DRC9: variants seen among roughly 807,000 people sequenced by gnomAD.
The protein encoded by DRC9 is dynein regulatory complex protein 9.
the DRC9 span, chr3:197,950,215 T>C: frequency 1.6e-6 from 2 of 1,231,308 alleles, no homozygotes; most frequent in South Asian, 4.1e-5. Flanking sequence ...TCTTGGCTCC[T>C]GTGGAGGTGA....
the DRC9 span, chr3:197,956,945 T>G: frequency 3.9e-5 from 6 of 152,224 alleles, no homozygotes; most frequent in African/African-American, 1.4e-4. Flanking sequence ...ATCTTTAAAT[T>G]GCACTGAAAA....
chr3:197,926,037 T>C, the DRC9 span: 1 of 1,580,874 alleles, frequency 6.3e-7, no homozygotes, highest in Non-Finnish European at 8.7e-7. Flanking sequence ...GACTTCAAAT[T>C]GCCATTCCTT....
chr3:197,947,007 C>T, the DRC9 span, among the ~76,000 whole-genome samples: 2 of 152,098 alleles, frequency 1.3e-5, no homozygotes, highest in African/African-American at 4.8e-5. Flanking sequence ...GACGGGGTTT[C>T]ACCATGTTGG....
At chr3:197,937,077 G>A in the DRC9 span, among the ~76,000 whole-genome samples, 1 of 152,196 alleles carries the variant, frequency 6.6e-6, no homozygotes, top group Non-Finnish European at 1.5e-5. Flanking sequence ...CACAGGCAAC[G>A]TATAAACAAA....
At chr3:197,951,558 G>T in the DRC9 span, 2 of 469,198 alleles carry the variant, frequency 4.3e-6, no homozygotes, top group Admixed American at 6.7e-5. Context: ...TTGCCATGTT[G>T]GCCAGGCTGG....
the DRC9 span, among the ~76,000 whole-genome samples, chr3:197,934,183 C>CTTTTTCTTT: frequency 2.0e-5 from 2 of 99,510 alleles, no homozygotes; most frequent in African/African-American, 4.9e-5. Context: ...CATTCTGGGT[C>CTTTTTCTTT]TTTTTTTTTT....
At chr3:197,953,358 A>C in the DRC9 span, 2 of 442,686 alleles carry the variant, frequency 4.5e-6, no homozygotes, top group South Asian at 3.2e-5. Flanking sequence ...CCTGGGTGAC[A>C]AGACAACCCC....
chr3:197,935,438 C>CAAAAA, the DRC9 span, among the ~76,000 whole-genome samples: 4 of 123,318 alleles, frequency 3.2e-5, no homozygotes, highest in African/African-American at 1.7e-4. Flanking sequence ...GACTCTGTCT[C>CAAAAA]CAAAAAAAAA....
chr3:197,959,532 T>C, the DRC9 span: 1 of 152,262 alleles, frequency 6.6e-6, no homozygotes, highest in African/African-American at 2.4e-5. Context: ...AGCTTACCTA[T>C]TCAATTCCCG....
At chr3:197,951,477 C>G in the DRC9 span, 4 of 712,376 alleles carry the variant, frequency 5.6e-6, no homozygotes, top group East Asian at 2.7e-5. Context: ...CTCAGCCTCC[C>G]GAGTAGCTGG....
At chr3:197,912,670 C>T in the DRC9 span, 1 of 1,611,588 alleles carries the variant, frequency 6.2e-7, no homozygotes, top group South Asian at 1.1e-5. Context: ...GCTGTGGGGA[C>T]CCACCTGCTG....
chr3:197,938,654 C>T, the DRC9 span: 2 of 1,614,130 alleles, frequency 1.2e-6, no homozygotes, highest in Middle Eastern at 1.6e-4. Context: ...GCGAACCGGC[C>T]TCTGTGTCTG....
chr3:197,922,123 T>C, the DRC9 span, among the ~76,000 whole-genome samples: 1 of 152,246 alleles, frequency 6.6e-6, no homozygotes, highest in African/African-American at 2.4e-5. Flanking sequence ...GGTTTCTTTC[T>C]TTCTTTTTTT....
At chr3:197,951,040 T>G in the DRC9 span, 4 of 1,597,348 alleles carry the variant, frequency 2.5e-6, no homozygotes, top group Admixed American at 5.0e-5. Flanking sequence ...AATGCGAGCT[T>G]AAAATTGGCA....
the DRC9 span, among the ~76,000 whole-genome samples, chr3:197,908,418 T>A: frequency 2.2e-5 from 3 of 139,226 alleles, no homozygotes; most frequent in South Asian, 7.2e-4. Flanking sequence ...GATGAAGTTA[T>A]CACAGGGGTG....
chr3:197,912,251 G>C, the DRC9 span, among the ~76,000 whole-genome samples: 1 of 151,796 alleles, frequency 6.6e-6, no homozygotes, highest in African/African-American at 2.4e-5. Flanking sequence ...TATTGGTCAG[G>C]CTGGTCCCAA....
At chr3:197,927,806 A>G in the DRC9 span, among the ~76,000 whole-genome samples, 1 of 152,204 alleles carries the variant, frequency 6.6e-6, no homozygotes, top group Admixed American at 6.6e-5. Flanking sequence ...TGTCCTTTGC[A>G]GGGACGTGGA....
the DRC9 span, chr3:197,916,272 T>TTTG: frequency 0.07 from 10,897 of 155,168 alleles, 669 homozygotes; most frequent in African/African-American, 0.17. Flanking sequence ...TGCGCCCGGC[T>TTTG]TTGTTGTTGT....
chr3:197,946,434 CAAA>C, the DRC9 span, among the ~76,000 whole-genome samples: 1,670 of 72,588 alleles, frequency 0.023, 28 homozygotes, highest in African/African-American at 0.066. Flanking sequence ...GACTCCGTCT[CAAA>C]AAAAAAAAAA....
Sources: allele counts gnomAD v4.1 joint callset (sites outside exome capture counted in the v4.1 genomes callset), GRCh38; gene constraint gnomAD v4.1.1; transcripts MANE v1.5; gene names NCBI Gene and HGNC (gene_info 2026-07-23, HGNC 2026-07-21).